Variants in TSGA10IP observed in about 807,000 individuals in gnomAD.
TSGA10IP encodes the protein testis specific 10 interacting protein.
In TSGA10IP, 64 loss-of-function variants were observed where a neutral mutation model predicts 63.2. The ratio of observed to expected loss-of-function variants is 1.01; its 90% CI spans 0.83 to 1.25. The LOEUF (loss-of-function observed/expected upper bound fraction) is 1.25. TSGA10IP is among the 50% of genes most tolerant of loss of function. The probability of loss-of-function intolerance (pLI) is 0.00; values close to 1 mark genes in which losing one functional copy is unlikely to be tolerated. For synonymous variants in TSGA10IP, 316 were observed against 298.3 expected, an observed-to-expected ratio of 1.06 and a Z score of -0.61; for missense variants, 681 against 710.1, an observed-to-expected ratio of 0.96 and a Z score of 0.47.
chr11:65,959,640 G>A (rs1855081888), intron 7 of TSGA10IP, among the ~76,000 whole-genome samples, 177 bp from the exon 8 acceptor site: 1 of 152,234 alleles, frequency 6.6e-6, no homozygotes, highest in African/African-American at 2.4e-5. Flanking sequence ...CTGGTACAGA[G>A]CAGCGATTAT....
intron 1 of TSGA10IP, among the ~76,000 whole-genome samples, chr11:65,946,651 T>A (rs1239896079): frequency 2.6e-5 from 4 of 152,168 alleles, no homozygotes; most frequent in African/African-American, 9.7e-5. Context: ...GCCAGGCTGG[T>A]CTCGAACTCC....
At chr11:65,945,514 G>T in exon 1 of TSGA10IP, 1 of 743,300 alleles carries the variant, frequency 1.3e-6, no homozygotes. Flanking sequence ...TGACTCCTGG[G>T]CATCCTGCTG....
At chr11:65,956,006 C>T (rs542149068) in intron 5 of TSGA10IP, among the ~76,000 whole-genome samples, 106 of 152,218 alleles carry the variant, frequency 7.0e-4, no homozygotes, top group Non-Finnish European at 1.4e-3. Context: ...CTGGGTGCAG[C>T]GGGCGCAGGG....
chr11:65,955,331 C>T (rs374662444), intron 5 of TSGA10IP, among the ~76,000 whole-genome samples: 2 of 152,012 alleles, frequency 1.3e-5, no homozygotes, highest in Non-Finnish European at 2.9e-5. Context: ...CTCGGCTGTA[C>T]GCCGTGGCTC....
intron 5 of TSGA10IP, 69 bp downstream of exon 5, chr11:65,953,806 C>A: frequency 7.6e-7 from 1 of 1,320,206 alleles, no homozygotes; most frequent in Non-Finnish European, 9.9e-7. Context: ...TCTCAGTCTA[C>A]AGGACCGAGG....
At chr11:65,958,193 C>A (rs1325206347) in intron 5 of TSGA10IP, among the ~76,000 whole-genome samples, 1 of 152,234 alleles carries the variant, frequency 6.6e-6, no homozygotes, top group Non-Finnish European at 1.5e-5. Context: ...GATCCACCCT[C>A]CTTGGCCTTC....
chr11:65,945,642 G>T, exon 1 of TSGA10IP: 1 of 1,604,334 alleles, frequency 6.2e-7, no homozygotes. Context: ...GGCCTGTTAG[G>T]CAGTTCTACG....
At chr11:65,946,833 AG>A in intron 1 of TSGA10IP, 46 bp from the exon 2 acceptor site, 1 of 1,599,520 alleles carries the variant, frequency 6.3e-7, no homozygotes, top group Non-Finnish European at 8.5e-7. Context: ...AACACAGTCC[AG>A]GAGGCTGCTC....
chr11:65,951,066 T>C (rs1854934102), intron 4 of TSGA10IP, among the ~76,000 whole-genome samples: 1 of 152,238 alleles, frequency 6.6e-6, no homozygotes, highest in South Asian at 2.1e-4. Flanking sequence ...AATGCCATTG[T>C]GTATATATAC....
At chr11:65,946,422 C>T (rs1474903079) in intron 1 of TSGA10IP, among the ~76,000 whole-genome samples, 1 of 151,126 alleles carries the variant, frequency 6.6e-6, no homozygotes, top group East Asian at 1.9e-4. Context: ...GGTGCTCGGT[C>T]GGGTTTTTTT....
exon 3 of TSGA10IP, chr11:65,947,798 C>G: frequency 6.3e-7 from 1 of 1,574,998 alleles, no homozygotes; most frequent in Non-Finnish European, 8.6e-7. Flanking sequence ...GGAGAAGCTG[C>G]ACAGGCAGCT....
In TSGA10IP at chr11:65,953,701, G is replaced by A. The variant is rs758899550; in HGVS notation, c.1286G>A (p.Gly429Asp). ...GCCTACGCACCCAGAGGGAGCCGGG[G>A]CCCTGGGGCGGCCCAGCGCAAGCTG... The change falls in exon 5 of 8, where the codon GGC becomes GAC. Residue 429 changes from glycine to aspartate, a missense_variant. Physicochemically the swap from Gly to Asp is moderately conservative, Grantham distance 94. Coordinates refer to ENST00000532620, the Ensembl canonical transcript of TSGA10IP. 3 of 1,573,166 alleles carry A rather than the reference G, an allele frequency of 1.9e-6. No homozygotes were observed. The South Asian group carries it at 3.4e-5, about 18-fold the overall frequency.
intron 6 of TSGA10IP, 62 bp downstream of exon 6, chr11:65,959,044 G>C: frequency 6.3e-7 from 1 of 1,591,602 alleles, no homozygotes; most frequent in Non-Finnish European, 8.6e-7. Context: ...TGAGTGGGTA[G>C]GGAAGCAGGA....
exon 1 of TSGA10IP, chr11:65,945,590 C>G (rs532171256): frequency 6.7e-7 from 1 of 1,499,244 alleles, no homozygotes; most frequent in Non-Finnish European, 9.1e-7. Flanking sequence ...TGCTTTTTGC[C>G]AGACCCATTG....
chr11:65,958,013 G>C (rs1855054438), intron 5 of TSGA10IP, among the ~76,000 whole-genome samples: 1 of 152,180 alleles, frequency 6.6e-6, no homozygotes, highest in African/African-American at 2.4e-5. Context: ...GAGTGCAGTG[G>C]CACAATCTCA....
chr11:65,959,063 G>C (rs1352790969), intron 6 of TSGA10IP, 81 bp downstream of exon 6: 3 of 1,572,798 alleles, frequency 1.9e-6, no homozygotes, highest in Admixed American at 3.6e-5. Flanking sequence ...GATGCGAGTA[G>C]GTCCCTGCAG....
At chr11:65,955,010 TA>T (rs2134882332) in intron 5 of TSGA10IP, among the ~76,000 whole-genome samples, 1 of 152,360 alleles carries the variant, frequency 6.6e-6, no homozygotes, top group Non-Finnish European at 1.5e-5. Context: ...GCATCACATG[TA>T]ACATTAGCAT....
chr11:65,947,054 G>T, intron 2 of TSGA10IP, 38 bp downstream of exon 2: 3 of 1,611,488 alleles, frequency 1.9e-6, no homozygotes, highest in Non-Finnish European at 2.5e-6. Flanking sequence ...GCTGTTGGGG[G>T]TCAGGGCCCT....
intron 1 of TSGA10IP, among the ~76,000 whole-genome samples, chr11:65,946,390 T>G (rs1322537726): frequency 6.6e-6 from 1 of 152,148 alleles, no homozygotes; most frequent in Non-Finnish European, 1.5e-5. Context: ...GCTGTTGCTA[T>G]TTTAATATGC....
Sources: gnomAD v4.1 joint callset for allele counts (sites outside exome capture counted in the v4.1 genomes callset) on GRCh38, gnomAD v4.1.1 for gene constraint, MANE v1.5 for transcripts, NCBI Gene and HGNC (gene_info 2026-07-23, HGNC 2026-07-21) for gene names.